AUTS2: variants seen among roughly 807,000 people sequenced by gnomAD.
The protein encoded by AUTS2 is autism susceptibility gene 2 protein.
In AUTS2, 17 loss-of-function variants were observed where a neutral mutation model predicts 112.4. That is an observed-to-expected ratio of 0.15 (90% confidence interval 0.10 to 0.23). The LOEUF is 0.23. Among genes scored for constraint, AUTS2 ranks in the 10% least tolerant of loss-of-function variants. The pLI, the probability that AUTS2 is intolerant of heterozygous loss-of-function variation, is 1.00. For missense variants in AUTS2, 1,510 were observed against 1,701.6 expected, an observed-to-expected ratio of 0.89 and a Z score of 1.98; for synonymous variants, 751 against 702.7, an observed-to-expected ratio of 1.07 and a Z score of -1.09.
At position 69,914,316 on chromosome 7, in the gene AUTS2, C is replaced by CA. The variant is rs1031621358; in HGVS notation, c.522+14826dup. On this transcript the variant is annotated intron_variant, in intron 2 of 18. Coordinates refer to ENST00000342771, the MANE Select transcript of AUTS2 (RefSeq NM_015570.4). ...GTTACATTCCAACTTTAATTGGCTA[C>CA]AAAAAAAAGCACACACACAGACACA... Among the ~76,000 whole-genome samples, 15 of 146,154 alleles carry CA rather than the reference C, an allele frequency of 1.0e-4. No individual in the cohort carries two copies. The East Asian group carries it at 2.7e-3, about 26-fold the overall frequency.
chr7:70,491,919 G>A (rs917025240), intron 5 of AUTS2, among the ~76,000 whole-genome samples: 1 of 152,030 alleles, frequency 6.6e-6, no homozygotes, highest in Non-Finnish European at 1.5e-5. Context: ...CCGGCCAAAT[G>A]AGTTAGTATA....
At chr7:69,736,486 T>C (rs1787036314) in intron 1 of AUTS2, among the ~76,000 whole-genome samples, 1 of 152,240 alleles carries the variant, frequency 6.6e-6, no homozygotes, top group Non-Finnish European at 1.5e-5. Flanking sequence ...TGAAGTGTTA[T>C]CACTTCATCT....
chr7:70,297,575 G>A (rs918823182), intron 4 of AUTS2, among the ~76,000 whole-genome samples: 3 of 151,838 alleles, frequency 2.0e-5, no homozygotes, highest in Middle Eastern at 3.4e-3. Context: ...GACTACAGGC[G>A]CCTGCCACCA....
chr7:69,736,273 C>T (rs915572174), intron 1 of AUTS2, among the ~76,000 whole-genome samples: 11 of 152,140 alleles, frequency 7.2e-5, no homozygotes, highest in East Asian at 5.8e-4. Flanking sequence ...GGAATAAAGA[C>T]GCTAAGGATA....
intron 5 of AUTS2, among the ~76,000 whole-genome samples, chr7:70,556,158 G>T (rs1801241799): frequency 6.6e-6 from 1 of 152,044 alleles, no homozygotes. Flanking sequence ...ACATCAGATG[G>T]TGATAGCAGG....
intron 5 of AUTS2, among the ~76,000 whole-genome samples, chr7:70,463,687 A>C (rs1318426554): frequency 6.6e-6 from 1 of 152,142 alleles, no homozygotes. Flanking sequence ...TCTTTGGTAG[A>C]TTGAGCATGG....
intron 5 of AUTS2, among the ~76,000 whole-genome samples, chr7:70,661,732 T>C (rs1452291681): frequency 1.3e-5 from 2 of 151,936 alleles, no homozygotes; most frequent in African/African-American, 4.8e-5. Context: ...TCGATGCTGG[T>C]GTAGAGCAGT....
At position 70,762,945 on chromosome 7, in the gene AUTS2, G is replaced by A; in HGVS notation, c.818G>A (p.Gly273Asp). Reference protein sequence around the residue: ...DAGPIVPKISGLERSQEKSQD... With the variant: ...DAGPIVPKISDLERSQEKSQD... The stretch of plus-strand genomic sequence containing the variant: ...GGGCCGATTGTCCCCAAGATATCGG[G>A]TCTAGAGAGAAGCCAGGAGAAGAGC... The change falls in exon 7 of 19, where the codon GGT becomes GAT. Residue 273 changes from glycine to aspartate, a missense_variant. Physicochemically the swap from Gly to Asp is moderately conservative, Grantham distance 94. Transcript: ENST00000342771. The A allele has an allele frequency of 6.2e-7, 1 of 1,614,128 alleles. No individual in the cohort carries two copies. Among genetic ancestry groups the A allele is most frequent in the East Asian group, 2.2e-5 (1 of 44,874 alleles).
intron 5 of AUTS2, among the ~76,000 whole-genome samples, chr7:70,677,359 G>A (rs1807968467): frequency 6.6e-6 from 1 of 152,144 alleles, no homozygotes; most frequent in African/African-American, 2.4e-5. Flanking sequence ...TTTCCTCACG[G>A]TCTTCTAAAT....
chr7:70,550,262 T>C (rs1478763113), intron 5 of AUTS2, among the ~76,000 whole-genome samples: 1 of 152,190 alleles, frequency 6.6e-6, no homozygotes, highest in Non-Finnish European at 1.5e-5. Flanking sequence ...ATTTCTTTTG[T>C]GGCTGATGAA....
At position 69,600,251 on chromosome 7, in the gene AUTS2, G is replaced by A. The variant is rs187196949; in HGVS notation, c.309+289G>A. Among the ~76,000 whole-genome samples, 435 of 152,030 alleles carry A rather than the reference G, an allele frequency of 2.9e-3. 2 individuals are homozygous for A. Among genetic ancestry groups the A allele is most frequent in the African/African-American group, 9.7e-3 (403 of 41,458 alleles). ...AGATGGGCAGAAAGAAAGGGGTTCG[G>A]GCATCACAACAATGCGCCCCCTCTC... On this transcript the variant is annotated intron_variant, in intron 1 of 18. Coordinates refer to ENST00000342771, the MANE Select transcript of AUTS2 (RefSeq NM_015570.4).
chr7:70,627,122 C>T lies in AUTS2; in HGVS notation c.691-71447C>T, dbSNP rs542968794. Among the ~76,000 whole-genome samples the T allele has an allele frequency of 1.1e-4, 17 of 152,316 alleles. No individual in the cohort carries two copies. The East Asian group carries it at 3.3e-3, about 29-fold the overall frequency. ...TTCCATAGGCACTGAACTAATTTACCTTCCCACCAGCAGTGTATAAGCATT... is the reference window on the plus strand; with the variant it reads ...TTCCATAGGCACTGAACTAATTTACTTTCCCACCAGCAGTGTATAAGCATT... On this transcript the variant is annotated intron_variant, in intron 5 of 18. Coordinates refer to ENST00000342771, the MANE Select transcript of AUTS2 (RefSeq NM_015570.4).
intron 2 of AUTS2, among the ~76,000 whole-genome samples, chr7:69,959,211 G>C (rs547032205): frequency 6.6e-6 from 1 of 151,934 alleles, no homozygotes; most frequent in Non-Finnish European, 1.5e-5. Flanking sequence ...CAAAACTCTC[G>C]TATTGTTCCT....
At chr7:70,655,297 T>A (rs907166683) in intron 5 of AUTS2, among the ~76,000 whole-genome samples, 1 of 152,232 alleles carries the variant, frequency 6.6e-6, no homozygotes, top group Non-Finnish European at 1.5e-5. Flanking sequence ...TTCCCTGTTT[T>A]ATCAGCAAGT....
At chr7:69,686,347 A>G (rs1797064735) in intron 1 of AUTS2, among the ~76,000 whole-genome samples, 1 of 152,214 alleles carries the variant, frequency 6.6e-6, no homozygotes, top group Admixed American at 6.5e-5. Flanking sequence ...AAAGTAACAC[A>G]TCTCCTTGTG....
At chr7:70,326,873 AAC>A (rs1315629544) in intron 4 of AUTS2, among the ~76,000 whole-genome samples, 1 of 151,714 alleles carries the variant, frequency 6.6e-6, no homozygotes, top group Non-Finnish European at 1.5e-5. Flanking sequence ...TAACTGTAAA[AAC>A]ATAATCACAG....
At chr7:69,664,414 A>G (rs371434980) in intron 1 of AUTS2, among the ~76,000 whole-genome samples, 1 of 152,228 alleles carries the variant, frequency 6.6e-6, no homozygotes. Context: ...AAGGCTGGCA[A>G]AGTTCCAAGC....
chr7:70,487,485 T>A (rs918978171), intron 5 of AUTS2, among the ~76,000 whole-genome samples: 1 of 152,152 alleles, frequency 6.6e-6, no homozygotes, highest in Non-Finnish European at 1.5e-5. Flanking sequence ...CATGGCTGCA[T>A]AGGGAGCCAT....
chr7:70,053,544 G>GTTTTTTTTTTTTTTGTTTTTTTTT (rs200867539), intron 2 of AUTS2, among the ~76,000 whole-genome samples: 1 of 127,848 alleles, frequency 7.8e-6, no homozygotes, highest in East Asian at 2.3e-4. Flanking sequence ...GTTTTGGGTG[G>GTTTTTTTTTTTTTTGTTTTTTTTT]TTTTTTTTTT....
Sources: gnomAD v4.1 joint callset for allele counts (sites outside exome capture counted in the v4.1 genomes callset) on GRCh38, gnomAD v4.1.1 for gene constraint, MANE v1.5 for transcripts, NCBI Gene and HGNC (gene_info 2026-07-23, HGNC 2026-07-21) for gene names.